Variants in NUMA1 observed in about 807,000 individuals in gnomAD.
NUMA1 encodes the protein nuclear mitotic apparatus protein 1, also known as SP-H antigen.
NUMA1 carries 62 observed loss-of-function variants against 237.1 expected under a neutral mutation model. The ratio of observed to expected loss-of-function variants is 0.26; its 90% CI spans 0.21 to 0.32. The LOEUF (loss-of-function observed/expected upper bound fraction) is 0.32. Among genes scored for constraint, NUMA1 ranks in the 10% least tolerant of loss-of-function variants. NUMA1 has a pLI of 1.00. For missense variants in NUMA1, 2,533 were observed against 2,666.5 expected (o/e 0.95, Z 1.10); for synonymous variants, 1,028 against 1,066.1 (o/e 0.96, Z 0.70).
intron 9 of NUMA1, 125 bp downstream of exon 9, chr11:72,019,369 C>T: frequency 1.5e-6 from 2 of 1,299,008 alleles, no homozygotes; most frequent in Non-Finnish European, 2.1e-6. Context: ...GTGAGGAGAT[C>T]CCAGATCTAC....
Position 72,077,647 on chromosome 11 carries a change from T to C in NUMA1, c.-103+2811A>G, listed in dbSNP as rs1196334555. On this transcript the variant is annotated intron_variant, in intron 1 of 26. Coordinates refer to ENST00000393695, the MANE Select transcript of NUMA1 (RefSeq NM_006185.4). ...GGCTAACACAATGAAACCCTGTCTC[T>C]ACTAAAAATACAAAAAATTAGCCAG... 3.9e-5 allele frequency among the ~76,000 whole-genome samples: 6 copies of C among 152,010 alleles called. No homozygotes were observed. In the South Asian group the frequency reaches 1.0e-3, roughly 26 times the overall value.
At chr11:72,054,729 C>T (rs1942544365) in intron 2 of NUMA1, among the ~76,000 whole-genome samples, 1 of 152,140 alleles carries the variant, frequency 6.6e-6, no homozygotes, top group Admixed American at 6.5e-5. Context: ...AGAGTTAGGT[C>T]TTAGACGTGA....
At chr11:72,005,104 T>G in intron 23 of NUMA1, 129 bp downstream of exon 23, 1 of 1,104,974 alleles carries the variant, frequency 9.0e-7, no homozygotes, top group Non-Finnish European at 1.3e-6. Context: ...CCTGGAAACA[T>G]GAGAAGGTCA....
At position 72,018,220 on chromosome 11, in the gene NUMA1, T is replaced by C. The variant is rs772716554; in HGVS notation, c.941A>G (p.Asn314Ser). 1.2e-6 allele frequency: 2 copies of C among 1,614,204 alleles called. No individual in the cohort carries two copies. The highest frequency in any genetic ancestry group is 1.1e-5 in the South Asian group (1 of 91,092). Residue 314 changes from asparagine (N) to serine (S), a missense_variant, in exon 12 of 27, where the codon AAC (asparagine) becomes AGC (serine). Physicochemically the swap from Asn to Ser is conservative, Grantham distance 46. This residue lies in a region of NUMA1 where 1,414 missense variants were observed against 1,508.1 expected (regional missense o/e 0.94). Coordinates refer to ENST00000393695, the MANE Select transcript of NUMA1 (RefSeq NM_006185.4). ...TEKSQMDRKI[N>S]QLSEENGDLS... is the part of the protein sequence containing the mutation. ...GTCTCCATTCTCCTCCGAAAGCTGG[T>C]TGATTTTGCGATCCATCTGGCTCTT...
rs767683581 is a variant in NUMA1, at chr11:72,013,405, G to C, written c.4098C>G (p.Leu1366=). 6.2e-7 allele frequency: 1 copy of C among 1,612,696 alleles called. No homozygotes were observed. Among genetic ancestry groups the C allele is most frequent in the Non-Finnish European group, 8.5e-7 (1 of 1,179,938 alleles). ...CCTGCTCGGCCTGCAGCTGCTGGCA[G>C]AGGTGCTTAGCTGGCAGCAGCTCAC... is the stretch of plus-strand genomic sequence containing the variant. ...LVSELLPAKH[L]CQQLQAEQAA... is the part of the protein sequence containing the mutation. The change falls in exon 15 of 27, where the codon CTC becomes CTG. Residue 1366 remains leucine (L), a synonymous_variant. Coordinates refer to ENST00000393695, the MANE Select transcript of NUMA1 (RefSeq NM_006185.4). This position sits in a 1 kb window ranked among gnomAD's most constrained non-coding sequence, Gnocchi z 6.8.
chr11:72,080,004 C>A (rs1376121174), intron 1 of NUMA1, among the ~76,000 whole-genome samples: 1 of 152,110 alleles, frequency 6.6e-6, no homozygotes. Context: ...ACCTCAGGCT[C>A]CCCATCTTTA....
chr11:72,019,076 C>G, intron 9 of NUMA1, 96 bp from the exon 10 acceptor site: 1 of 1,371,976 alleles, frequency 7.3e-7, no homozygotes, highest in Non-Finnish European at 1.0e-6. Context: ...TATGGAAGTG[C>G]GCACTAGCAG....
chr11:72,009,113 G>T lies in NUMA1; in HGVS notation c.4912C>A (p.Leu1638Met). Residue 1638 changes from leucine to methionine, a missense_variant, in exon 19 of 27, where the codon CTG becomes ATG. Coordinates refer to ENST00000393695, the MANE Select transcript of NUMA1 (RefSeq NM_006185.4). ...NQELQEQLRS[L>M]EQLQKENKEL... is the part of the protein sequence containing the mutation. ...TTGTTTTCCTTCTGCAGCTGCTCCA[G>T]GCTCCGCAGCTGCTCCTGCAGCTCT... 1.2e-6 allele frequency: 2 copies of T among 1,612,452 alleles called. No individual in the cohort carries two copies. The highest frequency in any genetic ancestry group is 1.7e-6 in the Non-Finnish European group (2 of 1,179,876).
At chr11:72,025,640 T>A (rs530747499) in intron 4 of NUMA1, among the ~76,000 whole-genome samples, 4 of 152,318 alleles carry the variant, frequency 2.6e-5, no homozygotes, top group Non-Finnish European at 5.9e-5. Flanking sequence ...CACTCCTAGT[T>A]CTTAGCCAAC....
intron 2 of NUMA1, among the ~76,000 whole-genome samples, chr11:72,037,295 G>C (rs1245975515): frequency 6.6e-6 from 1 of 152,220 alleles, no homozygotes; most frequent in Admixed American, 6.5e-5. Flanking sequence ...CGCAAGGTCA[G>C]GAGATCGAGA....
chr11:72,026,522 T>A (rs575416229), intron 4 of NUMA1, among the ~76,000 whole-genome samples: 2 of 152,376 alleles, frequency 1.3e-5, no homozygotes. Context: ...CTTTTTTGCT[T>A]TAGACTATTC....
At chr11:72,024,715 G>A in intron 4 of NUMA1, 1 of 224,106 alleles carries the variant, frequency 4.5e-6, no homozygotes, top group South Asian at 6.1e-5. Context: ...AAACTGTCAG[G>A]AAGCCTGGAG....
chr11:72,054,870 G>A (rs781307347), intron 2 of NUMA1, among the ~76,000 whole-genome samples: 1 of 152,182 alleles, frequency 6.6e-6, no homozygotes, highest in Non-Finnish European at 1.5e-5. Flanking sequence ...AGAAGATCAT[G>A]CTTGCTTGTA....
In NUMA1 at chr11:72,003,346, G is replaced by A. The variant is rs145493194; in HGVS notation, c.*181C>T. On this transcript the variant is annotated 3_prime_UTR_variant, in exon 27 of 27. Coordinates refer to ENST00000393695, the MANE Select transcript of NUMA1 (RefSeq NM_006185.4). Reference sequence around the variant, plus strand: ...GCTCCAGGCCCCCTGGGCCAGCTCCGAGAAGGCGCCAGTGAAGGACCAGGG... The same window carrying A: ...GCTCCAGGCCCCCTGGGCCAGCTCCAAGAAGGCGCCAGTGAAGGACCAGGG... 378 of 651,646 alleles carry A rather than the reference G, an allele frequency of 5.8e-4. 1 individual carries two copies. The highest frequency in any genetic ancestry group is 8.8e-4 in the Non-Finnish European group (316 of 359,540). The allele number at this position is 651,646 out of a possible 1,614,324, so 40.4% of individuals were successfully genotyped here.
At position 72,009,001 on chromosome 11, in the gene NUMA1, T is replaced by C; in HGVS notation, c.5024A>G (p.His1675Arg). 1 of 1,613,868 alleles carries C rather than the reference T, an allele frequency of 6.2e-7. No homozygotes were observed. The highest frequency in any genetic ancestry group is 8.5e-7 in the Non-Finnish European group (1 of 1,180,022). ...KTKEAEQTCR[H>R]LTAQVRSLEA... Reference sequence around the variant, plus strand: ...CAGGCTGCGCACCTGGGCAGTAAGGTGGCGGCAGGTCTGTTCAGCCTCCTT... The same window carrying C: ...CAGGCTGCGCACCTGGGCAGTAAGGCGGCGGCAGGTCTGTTCAGCCTCCTT... Residue 1675 changes from histidine to arginine, a missense_variant, in exon 19 of 27, where the codon CAC (histidine) becomes CGC (arginine). His to Arg is a conservative substitution (Grantham distance 29). Transcript: ENST00000393695.
At chr11:72,035,777 A>G (rs1940953055) in intron 3 of NUMA1, 125 bp downstream of exon 3, 1 of 876,120 alleles carries the variant, frequency 1.1e-6, no homozygotes, top group East Asian at 2.4e-5. Flanking sequence ...TGCTGTCTAA[A>G]GGAAAACTAT....
intron 22 of NUMA1, chr11:72,005,780 T>G: frequency 1.9e-6 from 1 of 535,438 alleles, no homozygotes; most frequent in South Asian, 2.6e-5. Context: ...CATGGAGGAC[T>G]CCCCACAGCT....
In NUMA1 at chr11:72,014,075, G is replaced by T. The variant is rs1401670738; in HGVS notation, c.3428C>A (p.Ala1143Asp). ...CTCGAGGCTGCGTTCCAGGCTGTCAGCCTGCTCCTGCTGCTTCTGGCATTG... is the reference window on the plus strand; with the variant it reads ...CTCGAGGCTGCGTTCCAGGCTGTCATCCTGCTCCTGCTGCTTCTGGCATTG... ...EQQCQKQQEQ[A>D]DSLERSLEAE... is the part of the protein sequence containing the mutation. The change falls in exon 15 of 27, where the codon GCT becomes GAT. Residue 1143 changes from alanine to aspartate, a missense_variant. By Grantham distance (126) the Ala-to-Asp change is moderately radical. Around this residue, in one of 3 missense-constraint regions of NUMA1, gnomAD observed 1,414 missense variants for 1,508.1 expected, o/e 0.94. Transcript: ENST00000393695. The surrounding 1 kb of genome is among the most constrained non-coding windows in gnomAD (Gnocchi z 4.6). 28 of 1,610,658 alleles carry T rather than the reference G, an allele frequency of 1.7e-5. No individual in the cohort carries two copies. The highest frequency in any genetic ancestry group is 2.1e-5 in the Non-Finnish European group (25 of 1,179,998).
intron 2 of NUMA1, among the ~76,000 whole-genome samples, chr11:72,042,891 A>G (rs1284002371): frequency 2.0e-5 from 3 of 150,658 alleles, no homozygotes; most frequent in Non-Finnish European, 4.4e-5. Flanking sequence ...CTTTGGGTGG[A>G]CCACTGAAGT....
Sources: gnomAD v4.1 joint callset for allele counts (sites outside exome capture counted in the v4.1 genomes callset) on GRCh38, gnomAD v4.1.1 for gene constraint, gnomAD v4.1.1 regional missense constraint, Gnocchi (gnomAD v3.1) non-coding constraint, MANE v1.5 for transcripts, NCBI Gene and HGNC (gene_info 2026-07-23, HGNC 2026-07-21) for gene names.